The following VPS13D variants were observed in gnomAD, a reference collection of about 807,000 sequenced individuals.
VPS13D encodes the protein vacuolar protein sorting 13 homolog D.
In VPS13D, 187 loss-of-function variants were observed where a neutral mutation model predicts 461.9. That is an observed-to-expected ratio of 0.40 (90% confidence interval 0.36 to 0.46). The LOEUF is 0.46. Among genes scored for constraint, VPS13D ranks in the 20% least tolerant of loss-of-function variants. The pLI is 0.60. For synonymous variants in VPS13D, 1,951 were observed against 1,986.3 expected (o/e 0.98, Z 0.47); for missense variants, 4,711 against 5,364.9 (o/e 0.88, Z 3.81).
intron 21 of VPS13D, among the ~76,000 whole-genome samples, chr1:12,284,959 G>A (rs1641917125): frequency 6.6e-6 from 1 of 152,172 alleles, no homozygotes; most frequent in African/African-American, 2.4e-5. Context: ...TCATGTGTCT[G>A]TACCTGGAAC....
At chr1:12,404,541 C>T (rs1284386664) in intron 63 of VPS13D, among the ~76,000 whole-genome samples, 3 of 152,208 alleles carry the variant, frequency 2.0e-5, no homozygotes, top group African/African-American at 7.2e-5. Flanking sequence ...ATCTTGATGA[C>T]TACTTACTAG....
chr1:12,400,419 G>T, intron 61 of VPS13D, 89 bp downstream of exon 61: 1 of 1,492,240 alleles, frequency 6.7e-7, no homozygotes, highest in Non-Finnish European at 9.1e-7. Flanking sequence ...AGCAGTGCCG[G>T]GTGCTGATGG....
chr1:12,455,152 G>A (rs1003447156), intron 65 of VPS13D, among the ~76,000 whole-genome samples: 3 of 152,150 alleles, frequency 2.0e-5, no homozygotes, highest in Admixed American at 6.5e-5. Context: ...TCCTATGAAC[G>A]GTGACCTAAC....
intron 44 of VPS13D, among the ~76,000 whole-genome samples, chr1:12,347,901 T>G (rs1001885444): frequency 2.4e-4 from 37 of 152,220 alleles, no homozygotes; most frequent in Admixed American, 6.5e-5. Context: ...GTTGAATGTG[T>G]GAATGAACAT....
At chr1:12,483,140 A>G (rs1326594154) in intron 67 of VPS13D, among the ~76,000 whole-genome samples, 1 of 152,198 alleles carries the variant, frequency 6.6e-6, no homozygotes, top group African/African-American at 2.4e-5. Flanking sequence ...AGTTGAAACA[A>G]TTTGTACTCC....
chr1:12,364,622 C>A (rs1205725924), intron 52 of VPS13D, among the ~76,000 whole-genome samples: 1 of 152,192 alleles, frequency 6.6e-6, no homozygotes, highest in East Asian at 1.9e-4. Flanking sequence ...ATTCCACTTT[C>A]TCCACAACCT....
Position 12,453,347 on chromosome 1 carries a change from A to G in VPS13D, c.12334-2651A>G, listed in dbSNP as rs1054846108. ...CGATAGGTAAAGAGCACTTTACCCT[A>G]TCTGTCTTCCAAGAAAGAGAATGTA... is the stretch of plus-strand genomic sequence containing the variant. On this transcript the variant is annotated intron_variant, in intron 65 of 69. Coordinates refer to ENST00000620676, the MANE Select transcript of VPS13D (RefSeq NM_015378.4). 2.6e-5 allele frequency among the ~76,000 whole-genome samples: 4 copies of G among 152,108 alleles called. No individual in the cohort carries two copies. The South Asian group carries it at 8.3e-4, about 32-fold the overall frequency.
At chr1:12,316,804 G>T (rs1213717666) in intron 30 of VPS13D, among the ~76,000 whole-genome samples, 2 of 145,404 alleles carry the variant, frequency 1.4e-5, no homozygotes, top group African/African-American at 5.0e-5. Context: ...CCAGAAAACC[G>T]CATTCAAGTG....
intron 66 of VPS13D, 23 bp from the exon 67 acceptor site, chr1:12,460,178 A>G (rs747946276): frequency 7.1e-6 from 11 of 1,548,582 alleles, no homozygotes; most frequent in East Asian, 4.8e-5. Flanking sequence ...TCAGGTTACA[A>G]CAGCCCTTGT....
chr1:12,283,679 A>G lies in VPS13D; in HGVS notation c.5577A>G (p.Pro1859=). 6.2e-7 allele frequency: 1 copy of G among 1,614,230 alleles called. No homozygotes were observed. The highest frequency in any genetic ancestry group is 8.5e-7 in the Non-Finnish European group (1 of 1,180,034). The part of the protein sequence containing the change: ...EGILHNVKLE[P]HASMESGLQD... Reference sequence around the variant, plus strand: ...TTCTGCACAACGTGAAGTTGGAGCCACATGCCTCCATGGAGTCTGGACTTC... The same window carrying G: ...TTCTGCACAACGTGAAGTTGGAGCCGCATGCCTCCATGGAGTCTGGACTTC... Residue 1859 remains proline (P), a synonymous_variant, in exon 21 of 70, where the codon CCA becomes CCG. Transcript: ENST00000620676.
Position 12,507,129 on chromosome 1 carries a change from G to A in VPS13D, c.13035+36G>A, listed in dbSNP as rs370398492. On this transcript the variant is annotated intron_variant, in intron 69 of 69. Coordinates refer to ENST00000620676, the MANE Select transcript of VPS13D (RefSeq NM_015378.4). This position sits in a 1 kb window ranked among gnomAD's most constrained non-coding sequence, Gnocchi z 5.3. ...GGCTGTTCTCAGGCTCCTGAGGGGC[G>A]GGGCCAGGGCCTCGATGCCTCTGCC... The A allele has an allele frequency of 2.5e-6, 4 of 1,612,434 alleles. No homozygotes were observed. Among genetic ancestry groups the A allele is most frequent in the African/African-American group, 1.3e-5 (1 of 75,002 alleles).
intron 58 of VPS13D, among the ~76,000 whole-genome samples, chr1:12,383,433 A>G (rs1347349501): frequency 6.6e-6 from 1 of 152,158 alleles, no homozygotes; most frequent in African/African-American, 2.4e-5. Context: ...GTGCATATTA[A>G]TAGTGTTGTT....
At position 12,342,920 on chromosome 1, in the gene VPS13D, G is replaced by A; in HGVS notation, c.8754G>A (p.Gly2918=). The A allele has an allele frequency of 3.1e-6, 5 of 1,613,312 alleles. No individual in the cohort carries two copies. Among genetic ancestry groups the A allele is most frequent in the Non-Finnish European group, 4.2e-6 (5 of 1,179,372 alleles). ...CCAGAGCTGCACTCTCTCACAGTGG[G>A]AGTCCAGGGGTAGTTCCAGAAGGGA... The part of the protein sequence containing the change: ...TPTRAALSHS[G]SPGVVPEGNG... The change falls in exon 42 of 70, where the codon GGG becomes GGA. Residue 2918 remains glycine (G), a synonymous_variant. Transcript: ENST00000620676.
chr1:12,473,321 A>C lies in VPS13D; in HGVS notation c.12662+12925A>C, dbSNP rs1645587210. 2.0e-5 allele frequency among the ~76,000 whole-genome samples: 3 copies of C among 152,228 alleles called. No individual in the cohort carries two copies. The South Asian group carries it at 6.2e-4, about 31-fold the overall frequency. On this transcript the variant is annotated intron_variant, in intron 67 of 69. Coordinates refer to ENST00000620676, the MANE Select transcript of VPS13D (RefSeq NM_015378.4). The surrounding 1 kb of genome is among the most constrained non-coding windows in gnomAD (Gnocchi z 4.2). ...GTTCTTCCCCAGTTCTGAAAAAGAA[A>C]TAGGAAGGGGCAACGTGGCAGTCAG...
chr1:12,328,017 CT>C (rs1189289931), intron 36 of VPS13D, among the ~76,000 whole-genome samples, 163 bp downstream of exon 36: 4 of 151,230 alleles, frequency 2.6e-5, no homozygotes, highest in Non-Finnish European at 5.9e-5. Flanking sequence ...TTTAAAGAAA[CT>C]TTTATTTGCC....
Position 12,314,162 on chromosome 1 carries a change from A to G in VPS13D, c.6983A>G (p.Gln2328Arg), listed in dbSNP as rs1227678301. 6.2e-7 allele frequency: 1 copy of G among 1,614,218 alleles called. No homozygotes were observed. The part of the protein sequence containing the change: ...CKLLYESFSN[Q>R]TKSINLVSHS... ...CTGCTCTATGAAAGTTTTTCCAACC[A>G]AACCAAGTCCATTAACTTGGTTTCC... The change falls in exon 30 of 70, where the codon CAA becomes CGA. Residue 2328 changes from glutamine to arginine, a missense_variant. Coordinates refer to ENST00000620676, the MANE Select transcript of VPS13D (RefSeq NM_015378.4).
intron 68 of VPS13D, among the ~76,000 whole-genome samples, chr1:12,500,489 G>C (rs1287062489): frequency 1.3e-5 from 2 of 151,834 alleles, no homozygotes; most frequent in East Asian, 3.9e-4. Context: ...CTATAACGGT[G>C]CACACCAGGC....
At chr1:12,297,828 A>T (rs1642316923) in intron 24 of VPS13D, among the ~76,000 whole-genome samples, 1 of 152,196 alleles carries the variant, frequency 6.6e-6, no homozygotes, top group Admixed American at 6.5e-5. Context: ...GGAAAAAAAG[A>T]TAATTAGTTA....
At chr1:12,292,565 G>C (rs1642166195) in intron 23 of VPS13D, among the ~76,000 whole-genome samples, 1 of 149,462 alleles carries the variant, frequency 6.7e-6, no homozygotes, top group African/African-American at 2.5e-5. Flanking sequence ...TCAGCCTTCT[G>C]TGTAGCTGGG....
Sources: allele counts gnomAD v4.1 joint callset (sites outside exome capture counted in the v4.1 genomes callset), GRCh38; gene constraint gnomAD v4.1.1; non-coding constraint Gnocchi (gnomAD v3.1); transcripts MANE v1.5; gene names NCBI Gene and HGNC (gene_info 2026-07-23, HGNC 2026-07-21).